The following EPHA5 variants were observed in gnomAD, a reference collection of about 807,000 sequenced individuals.
The protein encoded by EPHA5 is ephrin type-A receptor 5.
EPHA5 carries 60 observed loss-of-function variants against 105.0 expected under a neutral mutation model. The ratio of observed to expected loss-of-function variants is 0.57; its 90% CI spans 0.46 to 0.71. EPHA5 has a LOEUF of 0.71. Among genes scored for constraint, EPHA5 ranks in the 30% least tolerant of loss-of-function variants. The pLI is 0.00. For missense variants in EPHA5, 1,218 were observed against 1,274.7 expected, an observed-to-expected ratio of 0.96 and a Z score of 0.68; for synonymous variants, 513 against 449.1, an observed-to-expected ratio of 1.14 and a Z score of -1.80.
intron 5 of EPHA5, among the ~76,000 whole-genome samples, chr4:65,482,135 TA>T (rs1730426504): frequency 1.3e-5 from 2 of 152,076 alleles, no homozygotes; most frequent in African/African-American, 2.4e-5. Context: ...ATGTCTCTAT[TA>T]AAAATACAAA....
At chr4:65,604,248 G>A (rs1744014036) in intron 2 of EPHA5, among the ~76,000 whole-genome samples, 1 of 152,006 alleles carries the variant, frequency 6.6e-6, no homozygotes, top group Non-Finnish European at 1.5e-5. Flanking sequence ...CAAAGTCCAG[G>A]GTACCACAAA....
intron 1 of EPHA5, among the ~76,000 whole-genome samples, chr4:65,652,014 G>A (rs150330337): frequency 6.6e-6 from 1 of 152,112 alleles, no homozygotes; most frequent in South Asian, 2.1e-4. Context: ...TGGCTACCTT[G>A]TCAGGTATGC....
intron 8 of EPHA5, among the ~76,000 whole-genome samples, chr4:65,402,558 T>C (rs866342375): frequency 2.0e-5 from 3 of 152,188 alleles, no homozygotes; most frequent in Admixed American, 6.6e-5. Flanking sequence ...AAAACACAGA[T>C]TTATTGGATT....
In EPHA5 at chr4:65,321,458, A is replaced by G. The variant is rs1719634947; in HGVS notation, c.*2656T>C. On this transcript the variant is annotated 3_prime_UTR_variant, in exon 17 of 17. Coordinates refer to ENST00000613740, the MANE Select transcript of EPHA5 (RefSeq NM_001281766.3). The stretch of plus-strand genomic sequence containing the variant: ...CAATTGGTGACATATACAATAGGAA[A>G]CAAATATTTTAGGAAGGCATTCTTT... The G allele has an allele frequency of 4.3e-6, 1 of 229,922 alleles. No individual in the cohort carries two copies. 14.2% of individuals were successfully genotyped at this position (229,922 alleles called of 1,614,324 possible).
intron 5 of EPHA5, among the ~76,000 whole-genome samples, chr4:65,441,233 G>A (rs2149085941): frequency 6.6e-6 from 1 of 151,584 alleles, no homozygotes; most frequent in Admixed American, 6.6e-5. Flanking sequence ...ATTAATTGAA[G>A]AAAAATGCAA....
At chr4:65,335,845 T>A in intron 15 of EPHA5, 87 bp downstream of exon 15, 1 of 1,354,306 alleles carries the variant, frequency 7.4e-7, no homozygotes, top group Non-Finnish European at 1.0e-6. Flanking sequence ...TTAATGTCTA[T>A]ACGAGAATGA....
At chr4:65,543,094 T>C (rs1737006542) in intron 3 of EPHA5, among the ~76,000 whole-genome samples, 1 of 151,684 alleles carries the variant, frequency 6.6e-6, no homozygotes. Context: ...AGCTATTTAT[T>C]GCAAACCTAC....
chr4:65,625,904 G>A (rs548518781), intron 2 of EPHA5, among the ~76,000 whole-genome samples: 14 of 152,094 alleles, frequency 9.2e-5, no homozygotes, highest in South Asian at 6.2e-4. Context: ...GAGGTCAGGA[G>A]ATCGAGACCA....
chr4:65,488,162 T>C (rs1433856026), intron 5 of EPHA5, among the ~76,000 whole-genome samples: 1 of 152,194 alleles, frequency 6.6e-6, no homozygotes, highest in African/African-American at 2.4e-5. Flanking sequence ...GTATTTAAGG[T>C]ATTCAAGTTT....
In EPHA5 at chr4:65,353,052, G is replaced by A. The variant is rs747762296; in HGVS notation, c.2225C>T (p.Thr742Ile). 6.5e-7 allele frequency: 1 copy of A among 1,549,862 alleles called. No homozygotes were observed. Among genetic ancestry groups the A allele is most frequent in the Non-Finnish European group, 8.7e-7 (1 of 1,149,004 alleles). The change falls in exon 12 of 17, where the codon ACA (threonine) becomes ATA (isoleucine). Residue 742 changes from threonine to isoleucine, a missense_variant. Thr to Ile is a moderately conservative substitution (Grantham distance 89). Around this residue, in one of 3 missense-constraint regions of EPHA5, gnomAD observed 971 missense variants for 1,013.5 expected, o/e 0.96. Transcript: ENST00000613740. ...ATTCCCCAATCCTACCTTCAAAAAT[G>A]TATCTAAAGAGCCATTCTCCATATA... ...TEYMENGSLD[T>I]FLKKNDGQFT... is the part of the protein sequence containing the mutation.
intron 16 of EPHA5, among the ~76,000 whole-genome samples, chr4:65,327,608 T>C (rs1459072564): frequency 6.6e-6 from 1 of 151,300 alleles, no homozygotes; most frequent in African/African-American, 2.4e-5. Context: ...TAATAATGCA[T>C]GCAACGTACA....
chr4:65,540,617 G>A (rs1438705302), intron 3 of EPHA5, among the ~76,000 whole-genome samples: 1 of 151,318 alleles, frequency 6.6e-6, no homozygotes, highest in East Asian at 1.9e-4. Context: ...AATTTAAGAT[G>A]GCAGGTTCGT....
rs775643657 is a variant in EPHA5 at position 65,404,361 on chromosome 4, C to T, written c.1793+13G>A. 2.5e-6 allele frequency: 4 copies of T among 1,607,846 alleles called. No homozygotes were observed. The East Asian group carries it at 8.9e-5, about 36-fold the overall frequency. On this transcript the variant is annotated intron_variant, in intron 8 of 16. Coordinates refer to ENST00000613740, the MANE Select transcript of EPHA5 (RefSeq NM_001281766.3). ...CAGCTGCAGAACTTCAGAATCACAGCTTCCTCTCTTACCTTCCACTGAGGA... is the reference window on the plus strand; with the variant it reads ...CAGCTGCAGAACTTCAGAATCACAGTTTCCTCTCTTACCTTCCACTGAGGA...
At chr4:65,636,628 C>G (rs1193883796) in intron 2 of EPHA5, among the ~76,000 whole-genome samples, 1 of 151,728 alleles carries the variant, frequency 6.6e-6, no homozygotes. Flanking sequence ...TTTTTCATAG[C>G]AAGATAGAAT....
intron 8 of EPHA5, among the ~76,000 whole-genome samples, chr4:65,390,498 G>A (rs766824759): frequency 2.0e-5 from 3 of 151,980 alleles, no homozygotes; most frequent in Non-Finnish European, 2.9e-5. Flanking sequence ...GGACCGGAGA[G>A]TATAATAAAC....
chr4:65,534,072 G>C (rs1433279649), intron 3 of EPHA5, among the ~76,000 whole-genome samples: 2 of 152,138 alleles, frequency 1.3e-5, no homozygotes, highest in Admixed American at 1.3e-4. Flanking sequence ...ATAAAACTAA[G>C]ATAATTAGCA....
chr4:65,651,106 C>T (rs1748569563), intron 1 of EPHA5, among the ~76,000 whole-genome samples: 1 of 152,156 alleles, frequency 6.6e-6, no homozygotes, highest in African/African-American at 2.4e-5. Flanking sequence ...AAGAAAACTC[C>T]TGACTGCCTT....
intron 11 of EPHA5, 38 bp from the exon 12 acceptor site, chr4:65,353,141 C>T (rs746800265): frequency 9.6e-6 from 13 of 1,349,314 alleles, no homozygotes; most frequent in Middle Eastern, 3.8e-4. Context: ...TGCTGCTCTT[C>T]GATTTTGCAT....
chr4:65,552,447 G>A (rs982152347), intron 3 of EPHA5, among the ~76,000 whole-genome samples: 4 of 152,074 alleles, frequency 2.6e-5, no homozygotes, highest in East Asian at 3.9e-4. Context: ...TTTCTGGTCC[G>A]TTTTCTTCTT....
Sources: gnomAD v4.1 joint callset for allele counts (sites outside exome capture counted in the v4.1 genomes callset) on GRCh38, gnomAD v4.1.1 for gene constraint, gnomAD v4.1.1 regional missense constraint, MANE v1.5 for transcripts, NCBI Gene and HGNC (gene_info 2026-07-23, HGNC 2026-07-21) for gene names.